Variants in BTBD17 observed in about 807,000 individuals in gnomAD.
BTBD17 encodes BTB/POZ domain-containing protein 17.
A neutral mutation model predicts 36.9 loss-of-function variants in BTBD17; 26 were observed. That is an observed-to-expected ratio of 0.70 (90% CI 0.52 to 0.98). The LOEUF is 0.98. BTBD17 is among the 50% of genes least tolerant of loss of function. The pLI is 0.00. For synonymous variants in BTBD17, 341 were observed against 338.0 expected (o/e 1.01, Z -0.10); for missense variants, 630 against 691.3 (o/e 0.91, Z 0.99).
chr17:74,357,372 G>C lies in BTBD17; in HGVS notation c.722C>G (p.Ala241Gly). The C allele has an allele frequency of 2.6e-6, 4 of 1,553,060 alleles. No homozygotes were observed. Among genetic ancestry groups the C allele is most frequent in the Non-Finnish European group, 3.5e-6 (4 of 1,158,390 alleles). Residue 241 changes from alanine to glycine, a missense_variant, in exon 3 of 3, where the codon GCG (alanine) becomes GGG (glycine). Physicochemically the swap from Ala to Gly is moderately conservative, Grantham distance 60. Coordinates refer to ENST00000375366, the MANE Select transcript of BTBD17 (RefSeq NM_001080466.2). This position sits in a 1 kb window ranked among gnomAD's most constrained non-coding sequence, Gnocchi z 8.4. ...FHALEAWLGR[A>G]RPPPAVAERA... ...CTCGGCCACGGCAGGGGGCGGCCGC[G>C]CGCGACCCAGCCAGGCCTCCAGCGC...
At position 74,356,562 on chromosome 17, in the gene BTBD17, A is replaced by G; in HGVS notation, c.*95T>C. The G allele has an allele frequency of 7.4e-7, 1 of 1,353,736 alleles. No individual in the cohort carries two copies. Among genetic ancestry groups the G allele is most frequent in the Non-Finnish European group, 9.5e-7 (1 of 1,049,770 alleles). 83.9% of individuals were successfully genotyped at this position (1,353,736 alleles called of 1,614,324 possible). Reference sequence around the variant, plus strand: ...TAGGGTGGCCGGCGCCTGGCCATCCAGGGGACCAGGCTTGTTGCCACCTCC... The same window carrying G: ...TAGGGTGGCCGGCGCCTGGCCATCCGGGGGACCAGGCTTGTTGCCACCTCC... On this transcript the variant is annotated 3_prime_UTR_variant, in exon 3 of 3. Coordinates refer to ENST00000375366, the MANE Select transcript of BTBD17 (RefSeq NM_001080466.2). The surrounding 1 kb of genome is among the most constrained non-coding windows in gnomAD (Gnocchi z 4.3).
chr17:74,361,333 C>T lies in BTBD17; in HGVS notation c.85+402G>A, dbSNP rs1487892707. ...TGTGCACGCACAGCACATGCAGGCCCGTGGTGCACACAGGAGAGAAGGCTC... is the reference window on the plus strand; with the variant it reads ...TGTGCACGCACAGCACATGCAGGCCTGTGGTGCACACAGGAGAGAAGGCTC... On this transcript the variant is annotated intron_variant, in intron 1 of 2. Coordinates refer to ENST00000375366, the MANE Select transcript of BTBD17 (RefSeq NM_001080466.2). Among the ~76,000 whole-genome samples the T allele has an allele frequency of 2.0e-5, 3 of 152,300 alleles. 1 individual carries two copies. The highest frequency in any genetic ancestry group is 7.2e-5 in the African/African-American group (3 of 41,556).
chr17:74,361,782 C>T lies in BTBD17; in HGVS notation c.38G>A (p.Gly13Asp), dbSNP rs2054941446. Reference sequence around the variant, plus strand: ...CAAGGTCAGCATGGCCCAGAAGCTGCCCCAGGACCCAGGCTTGGAGTAGCC... The same window carrying T: ...CAAGGTCAGCATGGCCCAGAAGCTGTCCCAGGACCCAGGCTTGGAGTAGCC... ...RRGYSKPGSW[G>D]SFWAMLTLVG... The change falls in exon 1 of 3, where the codon GGC becomes GAC. Residue 13 changes from glycine to aspartate, a missense_variant. By Grantham distance (94) the Gly-to-Asp change is moderately conservative. Transcript: ENST00000375366. The T allele has an allele frequency of 6.2e-7, 1 of 1,613,962 alleles. No individual in the cohort carries two copies. Among genetic ancestry groups the T allele is most frequent in the East Asian group, 2.2e-5 (1 of 44,876 alleles).
At position 74,356,940 on chromosome 17, in the gene BTBD17, C is replaced by A; in HGVS notation, c.1154G>T (p.Arg385Leu). The part of the protein sequence containing the change: ...DAAGTALPAA[R>L]PEDGRPRLVV... ...CAGCCGCGGTCGGCCGTCCTCCGGG[C>A]GCGCGGCGGGCAGAGCAGTGCCCGC... Residue 385 changes from arginine to leucine, a missense_variant, in exon 3 of 3, where the codon CGC (arginine) becomes CTC (leucine). Arg to Leu is a moderately radical substitution (Grantham distance 102). Coordinates refer to ENST00000375366, the MANE Select transcript of BTBD17 (RefSeq NM_001080466.2). The surrounding 1 kb of genome is among the most constrained non-coding windows in gnomAD (Gnocchi z 4.3). 1.4e-6 allele frequency: 2 copies of A among 1,394,832 alleles called. No homozygotes were observed. Among genetic ancestry groups the A allele is most frequent in the Non-Finnish European group, 1.8e-6 (2 of 1,087,074 alleles). The allele number at this position is 1,394,832 out of a possible 1,614,324, so 86.4% of individuals were successfully genotyped here. A position where few individuals can be genotyped will look rare whatever the true frequency, so the allele number is the denominator to read the frequency against.
intron 2 of BTBD17, among the ~76,000 whole-genome samples, chr17:74,359,117 G>A (rs3760199): frequency 0.36 from 54,431 of 152,034 alleles, 10,363 homozygotes; most frequent in Middle Eastern, 0.52. Flanking sequence ...CATCACGGCA[G>A]GAGGCAGGAG....
chr17:74,359,052 C>T (rs766605617), intron 2 of BTBD17, among the ~76,000 whole-genome samples: 23 of 152,198 alleles, frequency 1.5e-4, no homozygotes, highest in African/African-American at 2.4e-4. Context: ...TCGTCTGAGC[C>T]GTTAGAACAG....
At chr17:74,362,116 A>G (rs1406727385), upstream of BTBD17, among the ~76,000 whole-genome samples, 1 of 152,232 alleles carries the variant, frequency 6.6e-6, no homozygotes, top group East Asian at 1.9e-4. Flanking sequence ...CAGCAGGGCT[A>G]GCCGTGCCTC....
upstream of BTBD17, among the ~76,000 whole-genome samples, chr17:74,362,286 C>T (rs539799529): frequency 1.5e-3 from 223 of 152,164 alleles, no homozygotes; most frequent in South Asian, 6.2e-3. Context: ...CATGGTGAGC[C>T]GGCTGCAAAG....
chr17:74,362,966 A>ATGTGTGTGTGTG (rs1555626867), upstream of BTBD17, among the ~76,000 whole-genome samples: 89 of 149,092 alleles, frequency 6.0e-4, no homozygotes, highest in South Asian at 1.3e-3. Context: ...GCGCGCGCGC[A>ATGTGTGTGTGTG]TGTGTGTGTG....
In BTBD17 at chr17:74,357,658, C is replaced by A. The variant is rs867178707; in HGVS notation, c.436G>T (p.Gly146Cys). The A allele has an allele frequency of 6.4e-7, 1 of 1,550,464 alleles. No homozygotes were observed. The highest frequency in any genetic ancestry group is 8.7e-7 in the Non-Finnish European group (1 of 1,148,854). ...ACGCCGCGCTGCAGGGAGGACACGC[C>A]GTACTTGGTGGCCAGTCTGTGCAGG... is the stretch of plus-strand genomic sequence containing the variant. Reference protein sequence around the residue: ...IPLHRLATKYGVSSLQRGVAD... With the variant: ...IPLHRLATKYCVSSLQRGVAD... The change falls in exon 3 of 3, where the codon GGC becomes TGC. Residue 146 changes from glycine to cysteine, a missense_variant. Gly to Cys is a radical substitution (Grantham distance 159). Transcript: ENST00000375366. The surrounding 1 kb of genome is among the most constrained non-coding windows in gnomAD (Gnocchi z 8.4).
Position 74,356,837 on chromosome 17 carries a change from CT to C in BTBD17, c.1256del (p.Gln419ArgfsTer67). The part of the protein sequence containing the change: ...FQKTVLVGAR[Q>X]QGRLLVRHAY... ...CGTGGCGGACCAGCAGGCGGCCCTG[CT>C]GGCGCGCCCCCACCAGCACCGTCTT... is the stretch of plus-strand genomic sequence containing the variant. On this transcript the variant is annotated frameshift_variant, in exon 3 of 3. Transcript: ENST00000375366. LOFTEE classifies it high-confidence loss of function. This position sits in a 1 kb window ranked among gnomAD's most constrained non-coding sequence, Gnocchi z 4.3. The C allele has an allele frequency of 6.4e-7, 1 of 1,565,654 alleles. No individual in the cohort carries two copies. The highest frequency in any genetic ancestry group is 1.2e-5 in the South Asian group (1 of 85,784).
At chr17:74,363,203 C>T (rs2054951797), upstream of BTBD17, among the ~76,000 whole-genome samples, 1 of 152,160 alleles carries the variant, frequency 6.6e-6, no homozygotes, top group Admixed American at 6.5e-5. Flanking sequence ...TGATTTCTGC[C>T]TCTGGCTGGC....
chr17:74,356,759 G>C lies in BTBD17; in HGVS notation c.1335C>G (p.Ala445=), dbSNP rs1234306044. ...ACTCGGAGTTGCGCCGCTGCAGGTC[G>C]GCGTGCGCCAGGAAGTCGCCGGCCT... ...SEEAGDFLAH[A]DLQRRNSEYL... is the part of the protein sequence containing the mutation. Residue 445 remains alanine (A), a synonymous_variant, in exon 3 of 3, where the codon GCC becomes GCG. Transcript: ENST00000375366. The surrounding 1 kb of genome is among the most constrained non-coding windows in gnomAD (Gnocchi z 4.3). 2 of 1,602,058 alleles carry C rather than the reference G, an allele frequency of 1.2e-6. No homozygotes were observed. Among genetic ancestry groups the C allele is most frequent in the Non-Finnish European group, 8.5e-7 (1 of 1,175,230 alleles).
chr17:74,359,347 G>A (rs1381828798), intron 2 of BTBD17, among the ~76,000 whole-genome samples: 20 of 152,080 alleles, frequency 1.3e-4, no homozygotes, highest in Admixed American at 7.9e-4. Context: ...TGAAACTGTA[G>A]TTTTTTTGTT....
chr17:74,361,695 C>G (rs376029033), intron 1 of BTBD17, 40 bp downstream of exon 1: 2 of 1,560,432 alleles, frequency 1.3e-6, no homozygotes, highest in Admixed American at 3.5e-5. Context: ...GACGACCTGC[C>G]GCTCCACCCT....
chr17:74,357,871 A>G lies in BTBD17; in HGVS notation c.363-140T>C. Reference sequence around the variant, plus strand: ...CAAACACAGTGGAAGCCCCACCCTGAGGCTTCCCATGTTTTCCTTTCAAGG... The same window carrying G: ...CAAACACAGTGGAAGCCCCACCCTGGGGCTTCCCATGTTTTCCTTTCAAGG... On this transcript the variant is annotated intron_variant, in intron 2 of 2. Coordinates refer to ENST00000375366, the MANE Select transcript of BTBD17 (RefSeq NM_001080466.2). This position sits in a 1 kb window ranked among gnomAD's most constrained non-coding sequence, Gnocchi z 8.4. 3.2e-6 allele frequency: 2 copies of G among 617,744 alleles called. No homozygotes were observed. The highest frequency in any genetic ancestry group is 5.4e-6 in the Non-Finnish European group (2 of 369,042). The allele number at this position is 617,744 out of a possible 1,614,324, so 38.3% of individuals were successfully genotyped here. A position where few individuals can be genotyped will look rare whatever the true frequency, so the allele number is the denominator to read the frequency against.
At chr17:74,359,920 G>A (rs201748834) in intron 2 of BTBD17, 49 bp downstream of exon 2, 42 of 1,567,006 alleles carry the variant, frequency 2.7e-5, no homozygotes, top group East Asian at 1.1e-4. Flanking sequence ...TGGAGGAGCC[G>A]GGGGCTGAGG....
Position 74,356,661 on chromosome 17 carries a change from T to A in BTBD17, c.1433A>T (p.Lys478Met), listed in dbSNP as rs781596717. ...CTTTATTCCCAGACCCCGAGGCTACTTGGGGGTCCGGATAAGGGTGTGGTA... is the reference window on the plus strand; with the variant it reads ...CTTTATTCCCAGACCCCGAGGCTACATGGGGGTCCGGATAAGGGTGTGGTA... ...PVYHTLIRTPK is the reference protein window; with the variant it reads ...PVYHTLIRTPM The change falls in exon 3 of 3, where the codon AAG (lysine) becomes ATG (methionine). Residue 478 changes from lysine (K) to methionine (M), a missense_variant. Transcript: ENST00000375366. The surrounding 1 kb of genome is among the most constrained non-coding windows in gnomAD (Gnocchi z 4.3). 6.6e-7 allele frequency: 1 copy of A among 1,526,308 alleles called. No individual in the cohort carries two copies. Among genetic ancestry groups the A allele is most frequent in the Non-Finnish European group, 8.8e-7 (1 of 1,130,306 alleles). The allele number at this position is 1,526,308 out of a possible 1,614,324, so 94.5% of individuals were successfully genotyped here.
upstream of BTBD17, among the ~76,000 whole-genome samples, chr17:74,362,965 CATGTGTGT>C (rs1292816572): frequency 1.4e-5 from 2 of 145,908 alleles, no homozygotes; most frequent in African/African-American, 2.5e-5. Flanking sequence ...AGCGCGCGCG[CATGTGTGT>C]GTGTGTGTGT....
Sources: gnomAD v4.1 joint callset for allele counts (sites outside exome capture counted in the v4.1 genomes callset) on GRCh38, gnomAD v4.1.1 for gene constraint, Gnocchi (gnomAD v3.1) non-coding constraint, MANE v1.5 for transcripts, NCBI Gene and HGNC (gene_info 2026-07-23, HGNC 2026-07-21) for gene names.